The following GNG7 variants were observed in gnomAD, a reference collection of about 807,000 sequenced individuals.
GNG7 encodes the protein guanine nucleotide-binding protein G(I)/G(S)/G(O) subunit gamma-7.
GNG7 carries 1 observed loss-of-function variant against 4.0 expected under a neutral mutation model. The observed-to-expected ratio is 0.25, with a 90% CI of 0.09 to 1.18. The LOEUF is 1.18. GNG7 is among the 50% of genes most tolerant of loss of function. The probability of loss-of-function intolerance (pLI) is 0.50; values close to 1 mark genes in which losing one functional copy is unlikely to be tolerated. For missense variants in GNG7, 86 were observed against 91.9 expected (o/e 0.94, Z 0.26); for synonymous variants, 34 against 36.9 (o/e 0.92, Z 0.29).
At chr19:2,583,039 T>C (rs62123672) in intron 2 of GNG7, among the ~76,000 whole-genome samples, 3,744 of 152,116 alleles carry the variant, frequency 0.025, 69 homozygotes, top group Non-Finnish European at 0.035. Flanking sequence ...CTCTTGGGCT[T>C]AAGCAATCCT....
intron 3 of GNG7, among the ~76,000 whole-genome samples, chr19:2,536,086 C>T (rs1187101857): frequency 6.6e-6 from 1 of 151,848 alleles, no homozygotes; most frequent in Non-Finnish European, 1.5e-5. Flanking sequence ...GACCACACCA[C>T]TGTACTTCAG....
At chr19:2,620,772 T>C (rs1355097174) in intron 2 of GNG7, among the ~76,000 whole-genome samples, 45 of 151,790 alleles carry the variant, frequency 3.0e-4, no homozygotes, top group African/African-American at 9.5e-4. Context: ...ACCCGGGAAG[T>C]GGAGGTTGCA....
In GNG7 at chr19:2,702,638, G is replaced by A; in HGVS notation, c.-135+8C>T. The A allele has an allele frequency of 6.6e-6, 1 of 151,566 alleles. No individual in the cohort carries two copies. Among genetic ancestry groups the A allele is most frequent in the Non-Finnish European group, 1.5e-5 (1 of 67,646 alleles). The allele number at this position is 151,566 out of a possible 1,614,324, so 9.4% of individuals were successfully genotyped here. A position where few individuals can be genotyped will look rare whatever the true frequency, so the allele number is the denominator to read the frequency against. ...ACTTCCCCTGGCCCGGTTCGCGGGC[G>A]CCCTTACCTGCGCTCGGGCCCCGCG... On this transcript the variant is annotated splice_region_variant and intron_variant, in intron 1 of 4. Transcript: ENST00000382159.
intron 1 of GNG7, among the ~76,000 whole-genome samples, chr19:2,682,484 G>A (rs1341754565): frequency 2.0e-5 from 3 of 150,966 alleles, no homozygotes; most frequent in Non-Finnish European, 3.0e-5. Flanking sequence ...CCAACATAGC[G>A]AAACCCCGTC....
rs749881324 is a variant in GNG7 at position 2,515,076 on chromosome 19, TC to T, written c.152del (p.Gly51GlufsTer49). The T allele has an allele frequency of 1.2e-6, 2 of 1,614,018 alleles. No individual in the cohort carries two copies. Among genetic ancestry groups the T allele is most frequent in the Non-Finnish European group, 8.5e-7 (1 of 1,179,930 alleles). On this transcript the variant is annotated frameshift_variant, in exon 5 of 5. Coordinates refer to ENST00000382159, the MANE Select transcript of GNG7 (RefSeq NM_052847.3). LOFTEE classifies it high-confidence loss of function. ...TAAAGGGGTTCTCCGAGGCAGGGAC[TC>T]CGACCAGCAGGGGGTCGTTCCGGGC... ...QHARNDPLLV[G>X]VPASENPFKD...
At chr19:2,528,168 G>A (rs1052356839) in intron 3 of GNG7, among the ~76,000 whole-genome samples, 4 of 151,668 alleles carry the variant, frequency 2.6e-5, no homozygotes, top group African/African-American at 9.7e-5. Context: ...CTACTCAGGA[G>A]GCTGAGGCAC....
At chr19:2,573,022 T>TC in intron 2 of GNG7, among the ~76,000 whole-genome samples, 1 of 146,658 alleles carries the variant, frequency 6.8e-6, no homozygotes, top group East Asian at 2.0e-4. Flanking sequence ...ATTTCTCCTT[T>TC]TTTTTTTTTT....
intron 1 of GNG7, among the ~76,000 whole-genome samples, chr19:2,678,747 A>AG (rs1983656688): frequency 6.6e-6 from 1 of 152,058 alleles, no homozygotes; most frequent in Non-Finnish European, 1.5e-5. Flanking sequence ...ACTTCTCTCA[A>AG]GGGGTCCCAG....
intron 1 of GNG7, among the ~76,000 whole-genome samples, chr19:2,700,095 CAAT>C (rs1467617115): frequency 6.6e-6 from 1 of 150,722 alleles, no homozygotes; most frequent in Non-Finnish European, 1.5e-5. Context: ...ATAATAATAA[CAAT>C]AATAATAAGA....
intron 1 of GNG7, among the ~76,000 whole-genome samples, chr19:2,698,973 G>A (rs535786953): frequency 2.6e-5 from 4 of 152,214 alleles, no homozygotes; most frequent in Admixed American, 6.5e-5. Flanking sequence ...AGATCGAGAC[G>A]CACCTGCAGA....
At chr19:2,542,575 C>A (rs79543130) in intron 3 of GNG7, among the ~76,000 whole-genome samples, 1 of 152,172 alleles carries the variant, frequency 6.6e-6, no homozygotes, top group African/African-American at 2.4e-5. Flanking sequence ...AGGCGGCTCA[C>A]GTTTCAGTTT....
chr19:2,606,282 G>A (rs1157200145), intron 2 of GNG7, among the ~76,000 whole-genome samples: 1 of 152,118 alleles, frequency 6.6e-6, no homozygotes, highest in Non-Finnish European at 1.5e-5. Flanking sequence ...TGAGGTGGGA[G>A]GATCACTTGA....
chr19:2,630,216 G>A (rs917580439), intron 2 of GNG7, among the ~76,000 whole-genome samples: 11 of 152,070 alleles, frequency 7.2e-5, no homozygotes, highest in Admixed American at 1.3e-4. Flanking sequence ...GGCTGAGGCC[G>A]AACGCAGGCC....
Position 2,634,147 on chromosome 19 carries a change from C to T in GNG7, c.-78+12077G>A, listed in dbSNP as rs548151708. Among the ~76,000 whole-genome samples, 7 of 152,282 alleles carry T rather than the reference C, an allele frequency of 4.6e-5. No individual in the cohort carries two copies. The highest frequency in any genetic ancestry group is 1.7e-4 in the African/African-American group (7 of 41,566). ...GGTTTACACCGTCTGCCCCACTGGG[C>T]GTTTATGGTGCCTATCATGAGCAGG... On this transcript the variant is annotated intron_variant, in intron 2 of 4. Coordinates refer to ENST00000382159, the MANE Select transcript of GNG7 (RefSeq NM_052847.3). This position sits in a 1 kb window ranked among gnomAD's most constrained non-coding sequence, Gnocchi z 5.3.
At chr19:2,636,302 G>A (rs535994670) in intron 2 of GNG7, among the ~76,000 whole-genome samples, 2 of 152,228 alleles carry the variant, frequency 1.3e-5, no homozygotes, top group East Asian at 3.9e-4. Flanking sequence ...ACTCACAGGC[G>A]AGGATCCAGG....
At chr19:2,553,880 G>A (rs1450392455) in intron 3 of GNG7, among the ~76,000 whole-genome samples, 1 of 145,058 alleles carries the variant, frequency 6.9e-6, no homozygotes, top group African/African-American at 2.6e-5. Context: ...TTGCATACAT[G>A]TACATATTCT....
chr19:2,574,121 C>T (rs1162790462), intron 2 of GNG7, among the ~76,000 whole-genome samples: 1 of 152,168 alleles, frequency 6.6e-6, no homozygotes, highest in Non-Finnish European at 1.5e-5. Context: ...AGGTGAAACC[C>T]GCCCTGCCAG....
At chr19:2,561,842 T>A (rs62123662) in intron 2 of GNG7, among the ~76,000 whole-genome samples, 47,819 of 151,542 alleles carry the variant, frequency 0.32, 7,731 homozygotes, top group East Asian at 0.44. Flanking sequence ...GATTGCACCA[T>A]TGCACTCCAG....
At chr19:2,520,797 CT>C (rs1286263297) in intron 3 of GNG7, 72 bp from the exon 4 acceptor site, 2 of 672,832 alleles carry the variant, frequency 3.0e-6, no homozygotes, top group African/African-American at 3.6e-5. Flanking sequence ...GGCGCCCGGC[CT>C]TGGCTCAACC....
Sources: allele counts gnomAD v4.1 joint callset (sites outside exome capture counted in the v4.1 genomes callset), GRCh38; gene constraint gnomAD v4.1.1; non-coding constraint Gnocchi (gnomAD v3.1); transcripts MANE v1.5; gene names NCBI Gene and HGNC (gene_info 2026-07-23, HGNC 2026-07-21).